BCAS3: variants seen among roughly 807,000 people sequenced by gnomAD.
BCAS3 encodes the protein BCAS3 microtubule associated cell migration factor.
In BCAS3, 53 loss-of-function variants were observed where a neutral mutation model predicts 116.1. That is an observed-to-expected ratio of 0.46 (90% CI 0.37 to 0.57). The LOEUF (loss-of-function observed/expected upper bound fraction) is 0.57, where lower values mean the gene tolerates loss of function less well. Among genes scored for constraint, BCAS3 ranks in the 20% least tolerant of loss-of-function variants. The pLI is 0.00. For synonymous variants in BCAS3, 391 were observed against 408.2 expected, an observed-to-expected ratio of 0.96 and a Z score of 0.51; for missense variants, 917 against 1,165.4, an observed-to-expected ratio of 0.79 and a Z score of 3.10.
intron 7 of BCAS3, among the ~76,000 whole-genome samples, chr17:60,844,041 C>G (rs2052251154): frequency 6.6e-6 from 1 of 152,196 alleles, no homozygotes; most frequent in African/African-American, 2.4e-5. Context: ...GTGATCTCGG[C>G]TCACCGCAAC....
chr17:60,810,842 C>T, intron 7 of BCAS3: 2 of 700,052 alleles, frequency 2.9e-6, no homozygotes, highest in Non-Finnish European at 5.3e-6. Context: ...GTCCTACAAG[C>T]CCAGACTGCC....
intron 22 of BCAS3, among the ~76,000 whole-genome samples, chr17:61,218,450 C>G (rs77156745): frequency 6.6e-6 from 1 of 152,162 alleles, no homozygotes; most frequent in Non-Finnish European, 1.5e-5. Flanking sequence ...ATTTCATGTT[C>G]CTAGAGGTCC....
At chr17:60,921,633 A>C (rs975822588) in intron 12 of BCAS3, among the ~76,000 whole-genome samples, 20 of 151,298 alleles carry the variant, frequency 1.3e-4, no homozygotes, top group Non-Finnish European at 2.8e-4. Flanking sequence ...AAAAAAAAAA[A>C]AAACATTGAC....
intron 5 of BCAS3, 27 bp downstream of exon 5, chr17:60,709,352 A>C (rs928492886): frequency 1.6e-6 from 2 of 1,282,048 alleles, no homozygotes; most frequent in Non-Finnish European, 2.3e-6. Context: ...TTGAATACCT[A>C]AAACATACTT....
rs1299593164 is a variant in BCAS3, at chr17:61,282,317, T to C, written c.2426-86010T>C. Reference sequence around the variant, plus strand: ...GGGAATACCTTACCGATGAGAAGGCTTTCCTGAGCCTTGGTTGGGAGCTGA... The same window carrying C: ...GGGAATACCTTACCGATGAGAAGGCCTTCCTGAGCCTTGGTTGGGAGCTGA... On this transcript the variant is annotated intron_variant, in intron 22 of 23. Transcript: ENST00000407086. This position sits in a 1 kb window ranked among gnomAD's most constrained non-coding sequence, Gnocchi z 5.9. Among the ~76,000 whole-genome samples the C allele has an allele frequency of 6.6e-6, 1 of 152,328 alleles. No individual in the cohort carries two copies. Among genetic ancestry groups the C allele is most frequent in the East Asian group, 1.9e-4 (1 of 5,182 alleles).
At position 60,689,721 on chromosome 17, in the gene BCAS3, G is replaced by A. The variant is rs2034562523; in HGVS notation, c.174G>A (p.Glu58=). 1 of 1,609,082 alleles carries A rather than the reference G, an allele frequency of 6.2e-7. No individual in the cohort carries two copies. Among genetic ancestry groups the A allele is most frequent in the South Asian group, 1.1e-5 (1 of 90,806 alleles). Residue 58 remains glutamate (E), a synonymous_variant, in exon 4 of 24, where the codon GAG becomes GAA. Transcript: ENST00000407086. ...YSGTPLTEEK[E]KIVWVRFENA... is the part of the protein sequence containing the mutation. ...GAACACCTCTAACAGAAGAAAAGGA[G>A]AAAATAGTCTGGGTCAGATTTGAAA...
chr17:60,942,807 A>G (rs149554115), intron 13 of BCAS3, among the ~76,000 whole-genome samples: 107 of 152,316 alleles, frequency 7.0e-4, no homozygotes, highest in African/African-American at 2.2e-3. Context: ...TCAACAAAAC[A>G]TTAGTTTAAA....
At position 61,346,830 on chromosome 17, in the gene BCAS3, G is replaced by T. The variant is rs1429393032; in HGVS notation, c.2426-21497G>T. ...TAGCATGTGCTGTGGGGATGTGGTAGAGGGACTGGTTCCTCATCCAGGGTG... is the reference window on the plus strand; with the variant it reads ...TAGCATGTGCTGTGGGGATGTGGTATAGGGACTGGTTCCTCATCCAGGGTG... On this transcript the variant is annotated intron_variant, in intron 22 of 23. Coordinates refer to ENST00000407086, the MANE Select transcript of BCAS3 (RefSeq NM_017679.5). This position sits in a 1 kb window ranked among gnomAD's most constrained non-coding sequence, Gnocchi z 5.4. Among the ~76,000 whole-genome samples, 3 of 152,226 alleles carry T rather than the reference G, an allele frequency of 2.0e-5. No individual in the cohort carries two copies. The highest frequency in any genetic ancestry group is 7.2e-5 in the African/African-American group (3 of 41,466).
chr17:61,271,429 T>TTTTTTTTTTTTTTTTTC (rs2050250655), intron 22 of BCAS3, among the ~76,000 whole-genome samples: 1 of 105,174 alleles, frequency 9.5e-6, no homozygotes, highest in African/African-American at 3.5e-5. Context: ...CCCGGATTTT[T>TTTTTTTTTTTTTTTTTC]TTTTTTTTGT....
In BCAS3 at chr17:61,233,229, G is replaced by A. The variant is rs2082797527; in HGVS notation, c.2426-135098G>A. On this transcript the variant is annotated intron_variant, in intron 22 of 23. Transcript: ENST00000407086. The surrounding 1 kb of genome is among the most constrained non-coding windows in gnomAD (Gnocchi z 4.3). ...AGGTGATAAAGATTAGAGCTGATTG[G>A]GAAGGTTCTGAATGCCCAAGTTTCA... Among the ~76,000 whole-genome samples the A allele has an allele frequency of 1.3e-5, 2 of 152,164 alleles. No individual in the cohort carries two copies. Among genetic ancestry groups the A allele is most frequent in the Admixed American group, 6.5e-5 (1 of 15,276 alleles).
intron 22 of BCAS3, among the ~76,000 whole-genome samples, chr17:61,187,040 T>TATG (rs2079822969): frequency 6.6e-6 from 1 of 152,234 alleles, no homozygotes; most frequent in Non-Finnish European, 1.5e-5. Context: ...AGAAATGTTT[T>TATG]ATGCAGTACA....
At position 61,196,827 on chromosome 17, in the gene BCAS3, C is replaced by T. The variant is rs1357004381; in HGVS notation, c.2425+112263C>T. On this transcript the variant is annotated intron_variant, in intron 22 of 23. Transcript: ENST00000407086. This position sits in a 1 kb window ranked among gnomAD's most constrained non-coding sequence, Gnocchi z 4.7. ...ACTGCTGAAACAGAAAGCATATATG[C>T]TCTAAAGTATAGTTTATATATAATG... Among the ~76,000 whole-genome samples, 1 of 152,176 alleles carries T rather than the reference C, an allele frequency of 6.6e-6. No individual in the cohort carries two copies. The highest frequency in any genetic ancestry group is 1.5e-5 in the Non-Finnish European group (1 of 68,038).
At chr17:60,813,207 C>A (rs988363071) in intron 7 of BCAS3, among the ~76,000 whole-genome samples, 1 of 151,916 alleles carries the variant, frequency 6.6e-6, no homozygotes, top group Non-Finnish European at 1.5e-5. Flanking sequence ...CAGGCATATT[C>A]CGTCTATAGA....
At chr17:60,935,605 C>T (rs1211891316) in intron 13 of BCAS3, among the ~76,000 whole-genome samples, 1 of 152,108 alleles carries the variant, frequency 6.6e-6, no homozygotes, top group Non-Finnish European at 1.5e-5. Context: ...TCCAGAGACA[C>T]TTGGTCATTT....
intron 10 of BCAS3, 23 bp from the exon 11 acceptor site, chr17:60,902,597 T>TTCTC: frequency 6.4e-7 from 1 of 1,551,460 alleles, no homozygotes; most frequent in Non-Finnish European, 8.9e-7. Flanking sequence ...GACGTTCTGC[T>TTCTC]TCTCTCTCTC....
intron 12 of BCAS3, among the ~76,000 whole-genome samples, chr17:60,915,143 T>C (rs927150051): frequency 3.3e-5 from 5 of 152,196 alleles, no homozygotes. Flanking sequence ...AATTATAGAC[T>C]CACAGTGAGT....
At chr17:60,989,861 C>A in intron 14 of BCAS3, 110 bp from the exon 15 acceptor site, 1 of 1,177,978 alleles carries the variant, frequency 8.5e-7, no homozygotes, top group Non-Finnish European at 1.2e-6. Flanking sequence ...ATCTTAGGTA[C>A]ATTTGGTAAT....
rs1369318448 is a variant in BCAS3 at position 61,235,253 on chromosome 17, G to A, written c.2426-133074G>A. On this transcript the variant is annotated intron_variant, in intron 22 of 23. Transcript: ENST00000407086. This position sits in a 1 kb window ranked among gnomAD's most constrained non-coding sequence, Gnocchi z 5.0. Reference sequence around the variant, plus strand: ...TCATTTGGTCTCTTTGAAAAGAGTGGCCAGGTGAAGGCTGAAGGACCGGAT... The same window carrying A: ...TCATTTGGTCTCTTTGAAAAGAGTGACCAGGTGAAGGCTGAAGGACCGGAT... 6.6e-6 allele frequency among the ~76,000 whole-genome samples: 1 copy of A among 152,152 alleles called. No individual in the cohort carries two copies. The highest frequency in any genetic ancestry group is 2.4e-5 in the African/African-American group (1 of 41,434).
intron 6 of BCAS3, among the ~76,000 whole-genome samples, chr17:60,774,725 C>A (rs2045101399): frequency 6.6e-6 from 1 of 152,162 alleles, no homozygotes; most frequent in Admixed American, 6.5e-5. Flanking sequence ...GGCTTGTGGG[C>A]CATCTGTCCT....
Sources: gnomAD v4.1 joint callset for allele counts (sites outside exome capture counted in the v4.1 genomes callset) on GRCh38, gnomAD v4.1.1 for gene constraint, Gnocchi (gnomAD v3.1) non-coding constraint, MANE v1.5 for transcripts, NCBI Gene and HGNC (gene_info 2026-07-23, HGNC 2026-07-21) for gene names.